The following COPZ1 variants were observed in gnomAD, a reference collection of about 807,000 sequenced individuals.
COPZ1 encodes the protein coatomer subunit zeta-1.
In COPZ1, 4 loss-of-function variants were observed where a neutral mutation model predicts 31.7. The ratio of observed to expected loss-of-function variants is 0.13; its 90% CI spans 0.06 to 0.29. COPZ1 has a LOEUF of 0.29. Ranked by LOEUF, COPZ1 falls within the 10% of genes least tolerant of loss-of-function variation. The pLI is 1.00. For synonymous variants in COPZ1, 74 were observed against 79.0 expected, an observed-to-expected ratio of 0.94 and a Z score of 0.33; for missense variants, 156 against 211.5, an observed-to-expected ratio of 0.74 and a Z score of 1.63.
intron 1 of COPZ1, among the ~76,000 whole-genome samples, chr12:54,328,689 C>T (rs995008778): frequency 2.6e-5 from 4 of 152,200 alleles, no homozygotes; most frequent in African/African-American, 9.7e-5. Context: ...TAATCTATGC[C>T]TAATAGGCTG....
chr12:54,333,235 A>G (rs777106376), intron 1 of COPZ1, among the ~76,000 whole-genome samples: 5 of 151,962 alleles, frequency 3.3e-5, no homozygotes, highest in Non-Finnish European at 5.9e-5. Context: ...TAGTAGAGAC[A>G]GGGTTTCGCC....
At position 54,330,577 on chromosome 12, in the gene COPZ1, C is replaced by A. The variant is rs541270839; in HGVS notation, c.18+5396C>A. 5.7e-4 allele frequency among the ~76,000 whole-genome samples: 87 copies of A among 152,306 alleles called. 1 individual carries two copies. Among genetic ancestry groups the A allele is most frequent in the African/African-American group, 1.9e-3 (81 of 41,570 alleles). ...ACATGGTCAGAAGAGGAGGAGGGGG[C>A]CTCCATGTGAGGAAAACCAGACCCT... On this transcript the variant is annotated intron_variant, in intron 1 of 8. Transcript: ENST00000262061.
chr12:54,330,338 T>C (rs992408198), intron 1 of COPZ1, among the ~76,000 whole-genome samples: 3 of 152,334 alleles, frequency 2.0e-5, no homozygotes, highest in East Asian at 3.8e-4. Context: ...CTTGTTTTAA[T>C]GGTTGATTGC....
chr12:54,346,721 T>C, intron 5 of COPZ1: 2 of 698,090 alleles, frequency 2.9e-6, no homozygotes, highest in Non-Finnish European at 5.2e-6. Flanking sequence ...CCAGGTGTGG[T>C]GGTGCATACC....
intron 4 of COPZ1, among the ~76,000 whole-genome samples, chr12:54,343,800 T>C (rs1037389545): frequency 5.3e-5 from 8 of 152,184 alleles, no homozygotes; most frequent in African/African-American, 1.2e-4. Flanking sequence ...TCTAGGAGAA[T>C]AGATAAATAA....
At chr12:54,334,620 G>A (rs1438794508) in intron 1 of COPZ1, among the ~76,000 whole-genome samples, 1 of 152,098 alleles carries the variant, frequency 6.6e-6, no homozygotes, top group Non-Finnish European at 1.5e-5. Context: ...TTGGGAGGAT[G>A]AGGCGGGTGG....
intron 4 of COPZ1, among the ~76,000 whole-genome samples, chr12:54,344,138 GT>G (rs1565595661): frequency 6.6e-6 from 1 of 152,218 alleles, no homozygotes; most frequent in Admixed American, 6.5e-5. Flanking sequence ...CTGACTTAAA[GT>G]CCATGCTTTT....
At chr12:54,327,108 G>A (rs1328546558) in intron 1 of COPZ1, among the ~76,000 whole-genome samples, 2 of 149,480 alleles carry the variant, frequency 1.3e-5, no homozygotes, top group Non-Finnish European at 3.0e-5. Flanking sequence ...AGCTTCCTGA[G>A]TAGCTGGGGT....
intron 1 of COPZ1, chr12:54,337,324 C>G (rs145514115): frequency 1.9e-6 from 1 of 533,410 alleles, no homozygotes; most frequent in South Asian, 1.4e-5. Flanking sequence ...AGCAGCTACC[C>G]ATTTTGGGAG....
chr12:54,350,548 A>T lies in COPZ1; in HGVS notation c.*25A>T. ...AAGACCTCACTGTTCCTGGCTCTTC[A>T]TCCTCTTCAAAAAATTTGCATGTCT... On this transcript the variant is annotated 3_prime_UTR_variant, in exon 9 of 9. Transcript: ENST00000262061. 6.2e-7 allele frequency: 1 copy of T among 1,605,966 alleles called. No homozygotes were observed. Among genetic ancestry groups the T allele is most frequent in the Non-Finnish European group, 8.5e-7 (1 of 1,172,678 alleles).
At chr12:54,331,173 CTTTTT>C (rs1000222358) in intron 1 of COPZ1, among the ~76,000 whole-genome samples, 17 of 80,270 alleles carry the variant, frequency 2.1e-4, no homozygotes, top group African/African-American at 7.0e-4. Context: ...TTTTCACACT[CTTTTT>C]TTTTTTTTTT....
intron 1 of COPZ1, among the ~76,000 whole-genome samples, chr12:54,339,370 T>C (rs759322041): frequency 2.0e-5 from 3 of 151,966 alleles, no homozygotes; most frequent in Non-Finnish European, 4.4e-5. Context: ...CAATTAGAGA[T>C]GGGGTTTCAC....
At chr12:54,345,314 G>A in intron 4 of COPZ1, 146 bp from the exon 5 acceptor site, 1 of 586,098 alleles carries the variant, frequency 1.7e-6, no homozygotes, top group South Asian at 2.2e-5. Flanking sequence ...TCCTTTTCCT[G>A]TTGTGCTCTC....
intron 1 of COPZ1, among the ~76,000 whole-genome samples, chr12:54,332,430 A>G (rs1462271364): frequency 2.6e-5 from 4 of 151,698 alleles, no homozygotes; most frequent in South Asian, 2.1e-4. Flanking sequence ...ACAGTCATCA[A>G]ATTCAGCCAT....
At chr12:54,328,438 C>T (rs757635900) in intron 1 of COPZ1, among the ~76,000 whole-genome samples, 4 of 150,520 alleles carry the variant, frequency 2.7e-5, no homozygotes, top group African/African-American at 9.8e-5. Flanking sequence ...GGCGTGGCCA[C>T]GCCTGTAATC....
chr12:54,341,607 A>C lies in COPZ1; in HGVS notation c.88-599A>C, dbSNP rs558447434. On this transcript the variant is annotated intron_variant, in intron 2 of 8. Coordinates refer to ENST00000262061, the MANE Select transcript of COPZ1 (RefSeq NM_016057.3). ...GCTGACTGCGACGGATTAGCCCCTAAAGAGCTAGCGATTTAGCAGCCTGCA... is the reference window on the plus strand; with the variant it reads ...GCTGACTGCGACGGATTAGCCCCTACAGAGCTAGCGATTTAGCAGCCTGCA... 5.9e-5 allele frequency among the ~76,000 whole-genome samples: 9 copies of C among 152,302 alleles called. No individual in the cohort carries two copies. In the South Asian group the frequency reaches 1.7e-3, roughly 28 times the overall value.
chr12:54,331,622 G>C (rs149521480), intron 1 of COPZ1, among the ~76,000 whole-genome samples: 3 of 152,058 alleles, frequency 2.0e-5, no homozygotes, highest in African/African-American at 7.2e-5. Flanking sequence ...ATTCTGCCTC[G>C]GGGTTGATTT....
At chr12:54,325,337 G>T in intron 1 of COPZ1, 156 bp downstream of exon 1, 1 of 1,021,386 alleles carries the variant, frequency 9.8e-7, no homozygotes, top group East Asian at 2.6e-5. Flanking sequence ...CCTAGTGTAG[G>T]AGCTAAAGCC....
rs755484190 is a variant in COPZ1, at chr12:54,340,630, C to T, written c.87+15C>T. ...TTTTTGCCAAGGTGAGATTCCCTTTCGAATTAGTTTAGGAACAGCACAAAG... is the reference window on the plus strand; with the variant it reads ...TTTTTGCCAAGGTGAGATTCCCTTTTGAATTAGTTTAGGAACAGCACAAAG... On this transcript the variant is annotated intron_variant, in intron 2 of 8. Transcript: ENST00000262061. 30 of 1,611,882 alleles carry T rather than the reference C, an allele frequency of 1.9e-5. No homozygotes were observed. The highest frequency in any genetic ancestry group is 3.3e-5 in the South Asian group (3 of 90,780).
Sources: allele counts gnomAD v4.1 joint callset (sites outside exome capture counted in the v4.1 genomes callset), GRCh38; gene constraint gnomAD v4.1.1; transcripts MANE v1.5; gene names NCBI Gene and HGNC (gene_info 2026-07-23, HGNC 2026-07-21).